ABCB4: variants seen among roughly 807,000 people sequenced by gnomAD.
The protein encoded by ABCB4 is phosphatidylcholine translocator ABCB4.
A neutral mutation model predicts 145.7 loss-of-function variants in ABCB4; 76 were observed. The ratio of observed to expected loss-of-function variants is 0.52; its 90% CI spans 0.43 to 0.63. The LOEUF (loss-of-function observed/expected upper bound fraction) is 0.63. Among genes scored for constraint, ABCB4 ranks in the 30% least tolerant of loss-of-function variants. ABCB4 has a pLI of 0.00. For missense variants in ABCB4, 1,234 were observed against 1,553.1 expected (o/e 0.79, Z 3.45); for synonymous variants, 517 against 566.8 (o/e 0.91, Z 1.25).
intron 1 of ABCB4, 35 bp from the exon 2 acceptor site, chr7:87,475,506 C>A (rs1266462144): frequency 1.2e-6 from 2 of 1,609,340 alleles, no homozygotes; most frequent in Middle Eastern, 1.7e-4. Context: ...ACCAAGTACA[C>A]CCTCTCCGGC....
At chr7:87,375,440 T>C in the ABCB4 span, 2 of 510,584 alleles carry the variant, frequency 3.9e-6, no homozygotes, top group African/African-American at 1.9e-5. Context: ...TTGTCAAATA[T>C]GCTTTTGGTG....
intron 17 of ABCB4, chr7:87,423,566 C>T (rs1809599110): frequency 8.3e-6 from 3 of 363,508 alleles, no homozygotes; most frequent in Non-Finnish European, 1.6e-5. Flanking sequence ...CTCCCTGCTC[C>T]ACTCTCTCTC....
the ABCB4 span, among the ~76,000 whole-genome samples, chr7:87,396,690 T>TAAA: frequency 2.2e-3 from 323 of 148,970 alleles, 14 homozygotes; most frequent in South Asian, 0.066. Flanking sequence ...ATGCTGATTG[T>TAAA]AAAAAAAAAA....
At chr7:87,445,797 T>C (rs1475485322) in intron 9 of ABCB4, among the ~76,000 whole-genome samples, 1 of 152,158 alleles carries the variant, frequency 6.6e-6, no homozygotes, top group African/African-American at 2.4e-5. Context: ...AGAAAAATAA[T>C]GTTGACCAAA....
intron 25 of ABCB4, 33 bp from the exon 26 acceptor site, chr7:87,406,527 G>C: frequency 6.2e-7 from 1 of 1,609,748 alleles, no homozygotes; most frequent in Non-Finnish European, 8.5e-7. Context: ...TATAAGAAGG[G>C]TATAAAAAAG....
intron 4 of ABCB4, among the ~76,000 whole-genome samples, chr7:87,461,823 C>T (rs1812479655): frequency 6.6e-6 from 1 of 152,164 alleles, no homozygotes; most frequent in African/African-American, 2.4e-5. Context: ...GTAAGGCCTA[C>T]AATAGTAACT....
chr7:87,466,043 G>A (rs1812870954), intron 3 of ABCB4, among the ~76,000 whole-genome samples: 1 of 152,222 alleles, frequency 6.6e-6, no homozygotes, highest in Non-Finnish European at 1.5e-5. Flanking sequence ...AACAAAGCAG[G>A]ACGGAGAATG....
At chr7:87,403,336 C>T (rs1807944160) in intron 26 of ABCB4, 55 bp from the exon 27 acceptor site, 1 of 1,494,382 alleles carries the variant, frequency 6.7e-7, no homozygotes, top group South Asian at 1.1e-5. Context: ...TAACAGTTGA[C>T]AGTTCTATTT....
At chr7:87,452,017 A>G (rs1314740939) in intron 6 of ABCB4, among the ~76,000 whole-genome samples, 1 of 152,220 alleles carries the variant, frequency 6.6e-6, no homozygotes, top group Non-Finnish European at 1.5e-5. Flanking sequence ...TTAAGTTGAT[A>G]CTATTAAATG....
intron 4 of ABCB4, 77 bp downstream of exon 4, chr7:87,462,681 T>C: frequency 7.3e-7 from 1 of 1,363,866 alleles, no homozygotes; most frequent in Non-Finnish European, 1.0e-6. Flanking sequence ...TGGTAATGAA[T>C]AGCAAAATCA....
At chr7:87,466,205 G>T (rs1481524086) in intron 3 of ABCB4, among the ~76,000 whole-genome samples, 3 of 152,184 alleles carry the variant, frequency 2.0e-5, no homozygotes, top group Non-Finnish European at 4.4e-5. Flanking sequence ...AGTCCTTAAA[G>T]GACCTGATGG....
At chr7:87,441,639 C>T (rs1355651063) in intron 12 of ABCB4, among the ~76,000 whole-genome samples, 1 of 151,512 alleles carries the variant, frequency 6.6e-6, no homozygotes, top group Non-Finnish European at 1.5e-5. Context: ...TTTGGAGGAG[C>T]ATAGTGGTGC....
chr7:87,433,616 G>T (rs1482539552), intron 14 of ABCB4, among the ~76,000 whole-genome samples: 2 of 149,514 alleles, frequency 1.3e-5, no homozygotes, highest in Non-Finnish European at 3.0e-5. Context: ...GTAAGCAACT[G>T]TCACCTTTGA....
the ABCB4 span, among the ~76,000 whole-genome samples, chr7:87,367,103 A>G: frequency 6.6e-6 from 1 of 152,222 alleles, no homozygotes. Context: ...AATTGTTAAT[A>G]TGTTAGGTTA....
chr7:87,425,225 T>C (rs1379190978), intron 16 of ABCB4, among the ~76,000 whole-genome samples: 2 of 152,182 alleles, frequency 1.3e-5, no homozygotes, highest in Non-Finnish European at 2.9e-5. Flanking sequence ...ATCTTGTTGA[T>C]TGCAGCATTT....
At chr7:87,436,076 G>A (rs1238702472) in intron 14 of ABCB4, among the ~76,000 whole-genome samples, 1 of 152,168 alleles carries the variant, frequency 6.6e-6, no homozygotes, top group Non-Finnish European at 1.5e-5. Flanking sequence ...ACAGACTATA[G>A]GAGAGACAAG....
chr7:87,406,860 G>T (rs1160614242), intron 25 of ABCB4, among the ~76,000 whole-genome samples: 1 of 152,092 alleles, frequency 6.6e-6, no homozygotes, highest in Non-Finnish European at 1.5e-5. Flanking sequence ...CCTTCACCTT[G>T]ACTTGATTTC....
At chr7:87,409,690 C>T (rs1204849491) in intron 23 of ABCB4, among the ~76,000 whole-genome samples, 1 of 152,166 alleles carries the variant, frequency 6.6e-6, no homozygotes, top group Non-Finnish European at 1.5e-5. Flanking sequence ...CAAGAAGAGG[C>T]TTATAACTGA....
At chr7:87,416,401 T>C (rs1808977487) in intron 21 of ABCB4, among the ~76,000 whole-genome samples, 1 of 152,230 alleles carries the variant, frequency 6.6e-6, no homozygotes, top group Non-Finnish European at 1.5e-5. Flanking sequence ...GTTGCAGTAA[T>C]GCTTGTAAAA....
Sources: allele counts gnomAD v4.1 joint callset (sites outside exome capture counted in the v4.1 genomes callset), GRCh38; gene constraint gnomAD v4.1.1; transcripts MANE v1.5; gene names NCBI Gene and HGNC (gene_info 2026-07-23, HGNC 2026-07-21).